HUWE1: variants seen among roughly 807,000 people sequenced by gnomAD.
The protein encoded by HUWE1 is E3 ubiquitin-protein ligase HUWE1.
Under a neutral mutation model 299.4 loss-of-function variants are expected in HUWE1, and 18 were observed. The ratio of observed to expected loss-of-function variants is 0.06; its 90% CI spans 0.04 to 0.09. The LOEUF (loss-of-function observed/expected upper bound fraction) is 0.09. Ranked by LOEUF, HUWE1 falls within the 10% of genes least tolerant of loss-of-function variation. The pLI is 1.00. For missense variants in HUWE1, 1,832 were observed against 3,462.3 expected (o/e 0.53, Z 11.82); for synonymous variants, 1,317 against 1,286.1 (o/e 1.02, Z -0.51).
chrX:53,645,273 A>T, intron 7 of HUWE1, 38 bp downstream of exon 7: 1 of 1,203,141 alleles, frequency 8.3e-7, no homozygotes, highest in Non-Finnish European at 1.1e-6. Flanking sequence ...CATATGCTCC[A>T]ATTTTTGCAC....
chrX:53,657,039 A>T (rs2068780946), intron 3 of HUWE1, among the ~76,000 whole-genome samples: 1 of 112,246 alleles, frequency 8.9e-6, no homozygotes, highest in Admixed American at 9.4e-5. Flanking sequence ...TTATATAAAA[A>T]ATTAACTCAA....
chrX:53,600,373 G>C (rs1228678048), intron 28 of HUWE1, 64 bp from the exon 29 acceptor site: 3 of 847,542 alleles, frequency 3.5e-6, no homozygotes, highest in Non-Finnish European at 5.1e-6. Context: ...GGTTCCTTGA[G>C]AAGTACTGAC....
chrX:53,667,502 TATA>T (rs201363314), intron 3 of HUWE1, among the ~76,000 whole-genome samples: 1,535 of 112,106 alleles, frequency 0.014, 24 homozygotes, highest in African/African-American at 0.048. Context: ...AAGCCCGTTT[TATA>T]ATAAATGTTC....
At chrX:53,577,502 T>TCCCTCC (rs1408847544) in intron 43 of HUWE1, among the ~76,000 whole-genome samples, 9 of 68,827 alleles carry the variant, frequency 1.3e-4, no homozygotes, top group Non-Finnish European at 2.8e-4. Flanking sequence ...CTCCCTCCTC[T>TCCCTCC]CCCTCTCCCT....
chrX:53,603,890 A>ATGTTTCATTTTCATTT (rs1323622149), intron 26 of HUWE1, among the ~76,000 whole-genome samples: 2 of 112,131 alleles, frequency 1.8e-5, no homozygotes, highest in African/African-American at 6.5e-5. Context: ...AATTCCTTGA[A>ATGTTTCATTTTCATTT]TGTTTCATTT....
At chrX:53,622,129 G>C (rs2066188839) in intron 19 of HUWE1, among the ~76,000 whole-genome samples, 1 of 111,480 alleles carries the variant, frequency 9.0e-6, no homozygotes, top group African/African-American at 3.3e-5. Context: ...GACCTCACTG[G>C]GTGCTTCCAT....
chrX:53,636,478 C>G (rs1557026469), intron 7 of HUWE1, among the ~76,000 whole-genome samples: 1 of 112,702 alleles, frequency 8.9e-6, no homozygotes, highest in Non-Finnish European at 1.9e-5. Flanking sequence ...AGCACTCAGC[C>G]AGTGGGAGCC....
At chrX:53,552,109 A>T (rs782706348) in intron 63 of HUWE1, among the ~76,000 whole-genome samples, 15 of 111,383 alleles carry the variant, frequency 1.3e-4, no homozygotes, top group Non-Finnish European at 2.6e-4. Flanking sequence ...AGAGTGGGGG[A>T]ATTTGAGTGA....
At chrX:53,675,621 A>G (rs147646522) in intron 3 of HUWE1, among the ~76,000 whole-genome samples, 47 of 111,529 alleles carry the variant, frequency 4.2e-4, no homozygotes, top group African/African-American at 1.4e-3. Flanking sequence ...CATTCAGTAA[A>G]TGTTATGTTA....
chrX:53,569,181 T>C (rs1359654532), intron 48 of HUWE1, among the ~76,000 whole-genome samples: 1 of 111,309 alleles, frequency 9.0e-6, no homozygotes, highest in African/African-American at 3.3e-5. Context: ...AGCGTGCCAC[T>C]ACGCCCAGCT....
intron 19 of HUWE1, among the ~76,000 whole-genome samples, chrX:53,620,620 TA>T (rs2066088253): frequency 8.9e-6 from 1 of 111,834 alleles, no homozygotes; most frequent in Non-Finnish European, 1.9e-5. Flanking sequence ...TTAAACTTAC[TA>T]AATGGACAAT....
At chrX:53,568,298 T>C (rs1351094103) in intron 49 of HUWE1, among the ~76,000 whole-genome samples, 1 of 111,336 alleles carries the variant, frequency 9.0e-6, no homozygotes, top group East Asian at 2.8e-4. Context: ...TATCATATCA[T>C]GTTAGTAAAG....
Position 53,615,901 on chromosome X carries a change from T to C in HUWE1, c.1958-66A>G, listed in dbSNP as rs1320575259. 38 of 781,084 alleles carry C rather than the reference T, an allele frequency of 4.9e-5. No individual in the cohort carries two copies. The Admixed American group carries it at 6.3e-4, about 13-fold the overall frequency. 64.4% of individuals were successfully genotyped at this position (781,084 alleles called of 1,213,427 possible). A position where few individuals can be genotyped will look rare whatever the true frequency, so the allele number is the denominator to read the frequency against. ...AGAAAATAGAGCTTGGGCTCTTTTC[T>C]GTACCAACATATAAAGTGGAAAGAA... On this transcript the variant is annotated intron_variant, in intron 21 of 83. Coordinates refer to ENST00000262854, the MANE Select transcript of HUWE1 (RefSeq NM_031407.7).
intron 63 of HUWE1, among the ~76,000 whole-genome samples, chrX:53,552,033 C>A (rs1408858192): frequency 9.0e-6 from 1 of 111,636 alleles, no homozygotes; most frequent in African/African-American, 3.3e-5. Context: ...TATCATCACC[C>A]CCTCGGTATC....
chrX:53,544,026 A>G (rs1466840639), intron 72 of HUWE1, 58 bp from the exon 73 acceptor site: 4 of 1,010,961 alleles, frequency 4.0e-6, no homozygotes, highest in Admixed American at 5.1e-5. Flanking sequence ...GGAAAGCCCA[A>G]TATTCTCTCT....
Position 53,568,328 on chromosome X carries a change from C to A in HUWE1, c.6707+364G>T, listed in dbSNP as rs184284396. Among the ~76,000 whole-genome samples, 237 of 110,960 alleles carry A rather than the reference C, an allele frequency of 2.1e-3. 2 individuals carry two copies. The highest frequency in any genetic ancestry group is 7.6e-3 in the African/African-American group (231 of 30,544). Reference sequence around the variant, plus strand: ...GTAAAGAATACATTATTTATGCATGCAAAGAAAAACACTGAATAATAAACC... The same window carrying A: ...GTAAAGAATACATTATTTATGCATGAAAAGAAAAACACTGAATAATAAACC... On this transcript the variant is annotated intron_variant, in intron 49 of 83. Transcript: ENST00000262854.
At chrX:53,555,790 T>C (rs1257069939) in intron 60 of HUWE1, among the ~76,000 whole-genome samples, 2 of 108,804 alleles carry the variant, frequency 1.8e-5, no homozygotes, top group Non-Finnish European at 3.8e-5. Flanking sequence ...CACAGGCGAG[T>C]GTCACCAAGC....
chrX:53,594,528 G>C lies in HUWE1; in HGVS notation c.3474C>G (p.Leu1158=), dbSNP rs1556982911. 2 of 1,210,600 alleles carry C rather than the reference G, an allele frequency of 1.7e-6. No individual in the cohort carries two copies. Among genetic ancestry groups the C allele is most frequent in the South Asian group, 1.8e-5 (1 of 56,674 alleles). Residue 1158 remains leucine (L), a synonymous_variant, in exon 31 of 84, where the codon CTC becomes CTG. Coordinates refer to ENST00000262854, the MANE Select transcript of HUWE1 (RefSeq NM_031407.7). ...AAAGAGCATTGTGGCCTCCGGAGCA[G>C]AGAAATTTTTGCAGCATGAGGTGGT... is the stretch of plus-strand genomic sequence containing the variant. The part of the protein sequence containing the change: ...YPYHLMLQKF[L]CSGGHNALFE...
intron 61 of HUWE1, 28 bp from the exon 62 acceptor site, chrX:53,552,921 G>C (rs782386068): frequency 6.6e-6 from 8 of 1,208,287 alleles, no homozygotes; most frequent in South Asian, 5.3e-5. Context: ...GGAGAGGTTA[G>C]GTTTCTATCT....
Sources: allele counts gnomAD v4.1 joint callset (sites outside exome capture counted in the v4.1 genomes callset), GRCh38; gene constraint gnomAD v4.1.1; transcripts MANE v1.5; gene names NCBI Gene and HGNC (gene_info 2026-07-23, HGNC 2026-07-21).